The following NCOR2 variants were observed in gnomAD, a reference collection of about 807,000 sequenced individuals.
The protein encoded by NCOR2 is CTG repeat protein 26.
In NCOR2, 81 loss-of-function variants were observed where a neutral mutation model predicts 262.9. The ratio of observed to expected loss-of-function variants is 0.31; its 90% CI spans 0.26 to 0.37. NCOR2 has a LOEUF of 0.37. NCOR2 is among the 10% of genes least tolerant of loss of function. The probability of loss-of-function intolerance (pLI) is 1.00; values close to 1 mark genes in which losing one functional copy is unlikely to be tolerated. For synonymous variants in NCOR2, 1,659 were observed against 1,559.3 expected (o/e 1.06, Z -1.51); for missense variants, 3,385 against 3,621.4 (o/e 0.93, Z 1.68).
intron 22 of NCOR2, among the ~76,000 whole-genome samples, chr12:124,358,751 G>T (rs1415778935): frequency 6.6e-6 from 1 of 151,120 alleles, no homozygotes; most frequent in Non-Finnish European, 1.5e-5. Flanking sequence ...CTCAGGCAGG[G>T]CTACTTACCA....
intron 20 of NCOR2, among the ~76,000 whole-genome samples, chr12:124,371,369 G>A (rs2039497790): frequency 6.6e-6 from 1 of 152,218 alleles, no homozygotes; most frequent in Admixed American, 6.5e-5. Flanking sequence ...TCCTAACCCA[G>A]GGTCTCTGTG....
intron 13 of NCOR2, 115 bp downstream of exon 15, chr12:124,419,839 GCAA>G (rs1195059357): frequency 5.5e-5 from 51 of 919,046 alleles, no homozygotes; most frequent in South Asian, 8.4e-5. Context: ...CGGTGGCCAA[GCAA>G]CAACAACTCA....
intron 1 of NCOR2, among the ~76,000 whole-genome samples, chr12:124,490,486 T>A (rs2048025811): frequency 6.6e-6 from 1 of 151,614 alleles, no homozygotes; most frequent in East Asian, 1.9e-4. Context: ...GAGCTCCCAA[T>A]GAATGAATGA....
intron 22 of NCOR2, among the ~76,000 whole-genome samples, chr12:124,358,293 A>G (rs1478012758): frequency 3.3e-5 from 4 of 120,398 alleles, no homozygotes; most frequent in Non-Finnish European, 6.7e-5. Flanking sequence ...GTGTATGTGC[A>G]CGTGCACGTG....
At chr12:124,484,127 AG>A (rs1423073947) in intron 2 of NCOR2, among the ~76,000 whole-genome samples, 1 of 152,210 alleles carries the variant, frequency 6.6e-6, no homozygotes, top group Non-Finnish European at 1.5e-5. Flanking sequence ...AGGCCTACTG[AG>A]TCAGACTCGG....
chr12:124,338,801 C>T (rs969711932), intron 37 of NCOR2, among the ~76,000 whole-genome samples: 2 of 152,138 alleles, frequency 1.3e-5, no homozygotes, highest in Admixed American at 1.3e-4. Flanking sequence ...ATCTACTCAT[C>T]CCACCGCCCA....
In NCOR2 at chr12:124,531,221, A is replaced by T. The variant is rs2050753948; in HGVS notation, c.-118+4344T>A. ...TCCAGCCAGAGCCCACCCGTTTATGAAAGAAAATGATAATAATAATAGAAG... is the reference window on the plus strand; with the variant it reads ...TCCAGCCAGAGCCCACCCGTTTATGTAAGAAAATGATAATAATAATAGAAG... On this transcript the variant is annotated intron_variant, in intron 1 of 46. Coordinates refer to the NCOR2 transcript ENST00000404621. This position sits in a 1 kb window ranked among gnomAD's most constrained non-coding sequence, Gnocchi z 4.5. Among the ~76,000 whole-genome samples, 1 of 152,160 alleles carries T rather than the reference A, an allele frequency of 6.6e-6. No individual in the cohort carries two copies.
intron 1 of NCOR2, among the ~76,000 whole-genome samples, chr12:124,489,839 G>GAGAAA (rs2047985986): frequency 6.6e-6 from 1 of 152,196 alleles, no homozygotes; most frequent in Non-Finnish European, 1.5e-5. Flanking sequence ...GCTAGATGCG[G>GAGAAA]GGGGATGTTT....
intron 22 of NCOR2, among the ~76,000 whole-genome samples, chr12:124,359,808 C>T (rs1206059153): frequency 6.6e-6 from 1 of 152,242 alleles, no homozygotes; most frequent in African/African-American, 2.4e-5. Context: ...ACCTGCTTGG[C>T]TGAGCCGCTC....
chr12:124,378,171 G>A lies in NCOR2; in HGVS notation c.2167+66C>T, dbSNP rs1237413099. The A allele has an allele frequency of 1.6e-5, 25 of 1,578,564 alleles. No individual in the cohort carries two copies. Among genetic ancestry groups the A allele is most frequent in the South Asian group, 3.5e-5 (3 of 85,008 alleles). ...GAGGAGGCTGCCGGGATCAGTTCCCGCTATGCCCTCCCTCAGAGCTCGGAC... is the reference window on the plus strand; with the variant it reads ...GAGGAGGCTGCCGGGATCAGTTCCCACTATGCCCTCCCTCAGAGCTCGGAC... On this transcript the variant is annotated intron_variant, in intron 18 of 46. Transcript: ENST00000405201. This position sits in a 1 kb window ranked among gnomAD's most constrained non-coding sequence, Gnocchi z 4.2.
chr12:124,383,364 G>A (rs200078643), intron 17 of NCOR2: 1 of 234,998 alleles, frequency 4.3e-6, no homozygotes, highest in Non-Finnish European at 8.1e-6. Context: ...TGCACGCACC[G>A]TTCAAGAGGC....
At chr12:124,408,538 G>A (rs915332519) in intron 13 of NCOR2, among the ~76,000 whole-genome samples, 7 of 151,964 alleles carry the variant, frequency 4.6e-5, no homozygotes, top group Non-Finnish European at 8.8e-5. Flanking sequence ...TCTAGGGCTC[G>A]GAGTTCAGAC....
At chr12:124,500,016 G>A (rs926054756), upstream of NCOR2, among the ~76,000 whole-genome samples, 9 of 152,274 alleles carry the variant, frequency 5.9e-5, no homozygotes, top group South Asian at 8.3e-4. Flanking sequence ...GCACAGGCCC[G>A]CTGCGAGGAC....
intron 4 of NCOR2, among the ~76,000 whole-genome samples, 194 bp from the exon 7 acceptor site, chr12:124,466,480 C>T (rs2046425741): frequency 6.6e-6 from 1 of 152,174 alleles, no homozygotes; most frequent in South Asian, 2.1e-4. Context: ...GGGCCAGCTG[C>T]AGCCTCCAAG....
At chr12:124,465,298 ATC>A (rs2046363450) in intron 5 of NCOR2, among the ~76,000 whole-genome samples, 5 of 152,086 alleles carry the variant, frequency 3.3e-5, no homozygotes, top group African/African-American at 1.2e-4. Context: ...GGGGATCAAC[ATC>A]CACAGATCCT....
chr12:124,338,770 C>A (rs557537242), intron 37 of NCOR2, among the ~76,000 whole-genome samples: 1 of 152,114 alleles, frequency 6.6e-6, no homozygotes, highest in African/African-American at 2.4e-5. Context: ...AGATTCTATT[C>A]TCAAACCAAA....
At chr12:124,402,484 T>C in exon 14 of NCOR2, 2 of 1,610,986 alleles carry the variant, frequency 1.2e-6, no homozygotes, top group Middle Eastern at 1.7e-4. Context: ...CCTTCTCATC[T>C]TTCTCCTCCT....
intron 13 of NCOR2, among the ~76,000 whole-genome samples, chr12:124,411,073 A>G (rs2042555959): frequency 2.1e-5 from 2 of 97,218 alleles, no homozygotes; most frequent in African/African-American, 3.3e-5. Flanking sequence ...GATGGGGGAG[A>G]GAGAGAAGGG....
chr12:124,492,272 T>C (rs2136881031), intron 1 of NCOR2, among the ~76,000 whole-genome samples: 1 of 152,268 alleles, frequency 6.6e-6, no homozygotes, highest in South Asian at 2.1e-4. Flanking sequence ...TTGCCACCGA[T>C]GCACAGACCC....
Sources: allele counts gnomAD v4.1 joint callset (sites outside exome capture counted in the v4.1 genomes callset), GRCh38; gene constraint gnomAD v4.1.1; non-coding constraint Gnocchi (gnomAD v3.1); transcripts MANE v1.5; gene names NCBI Gene and HGNC (gene_info 2026-07-23, HGNC 2026-07-21).